The following GLIS1 variants were observed in gnomAD, a reference collection of about 807,000 sequenced individuals.
The protein encoded by GLIS1 is zinc finger protein GLIS1.
Under a neutral mutation model 63.8 loss-of-function variants are expected in GLIS1, and 24 were observed. The ratio of observed to expected loss-of-function variants is 0.38; its 90% CI spans 0.27 to 0.53. The LOEUF (loss-of-function observed/expected upper bound fraction) is 0.53, where lower values mean the gene tolerates loss of function less well. GLIS1 is among the 20% of genes least tolerant of loss of function. The pLI is 0.85. For missense variants in GLIS1, 1,036 were observed against 1,074.1 expected (o/e 0.96, Z 0.50); for synonymous variants, 450 against 482.5 (o/e 0.93, Z 0.88).
rs910160834 is a variant in GLIS1, at chr1:53,639,025, T to C, written c.260-38747A>G. Among the ~76,000 whole-genome samples the C allele has an allele frequency of 1.3e-5, 2 of 151,896 alleles. No individual in the cohort carries two copies. Among genetic ancestry groups the C allele is most frequent in the Admixed American group, 6.6e-5 (1 of 15,262 alleles). On this transcript the variant is annotated intron_variant, in intron 2 of 10. Coordinates refer to ENST00000628545, the MANE Select transcript of GLIS1 (RefSeq NM_001367484.1). This position sits in a 1 kb window ranked among gnomAD's most constrained non-coding sequence, Gnocchi z 4.6. ...GCCAAGGTCTTCCAGTTTCTCAGAG[T>C]GGTTGACAGCACCGGCCCCTGAATC...
At chr1:53,570,132 G>C (rs974416713) in intron 4 of GLIS1, among the ~76,000 whole-genome samples, 2 of 151,284 alleles carry the variant, frequency 1.3e-5, no homozygotes, top group Non-Finnish European at 2.9e-5. Flanking sequence ...TATTATTTGA[G>C]TTGAGATCTT....
chr1:53,688,188 C>T (rs927486330), intron 2 of GLIS1, among the ~76,000 whole-genome samples: 1 of 152,362 alleles, frequency 6.6e-6, no homozygotes, highest in Admixed American at 6.5e-5. Context: ...CAGACTCATT[C>T]GTTTCTGTTT....
At chr1:53,520,546 G>T in intron 7 of GLIS1, 88 bp downstream of exon 7, 1 of 1,394,724 alleles carries the variant, frequency 7.2e-7, no homozygotes, top group Non-Finnish European at 9.4e-7. Flanking sequence ...CATGTGGGCG[G>T]CCCACTGAGC....
intron 2 of GLIS1, among the ~76,000 whole-genome samples, chr1:53,608,404 G>A (rs1350064032): frequency 1.3e-5 from 2 of 152,216 alleles, no homozygotes; most frequent in Admixed American, 1.3e-4. Context: ...ATGAATTTGA[G>A]AGGGGGACAG....
chr1:53,514,547 C>T (rs539127288), intron 8 of GLIS1, 78 bp downstream of exon 8: 14 of 1,429,942 alleles, frequency 9.8e-6, no homozygotes, highest in South Asian at 2.5e-5. Context: ...ATAGATAGTG[C>T]GGGACACCTG....
chr1:53,612,998 T>C (rs1278600064), intron 2 of GLIS1, among the ~76,000 whole-genome samples: 1 of 152,092 alleles, frequency 6.6e-6, no homozygotes, highest in Non-Finnish European at 1.5e-5. Flanking sequence ...TTTGCATTTT[T>C]AGTAGACATG....
intron 10 of GLIS1, among the ~76,000 whole-genome samples, chr1:53,507,881 G>A (rs1204298038): frequency 2.0e-5 from 3 of 152,166 alleles, no homozygotes; most frequent in African/African-American, 7.2e-5. Flanking sequence ...GACAAGATGG[G>A]GAGAGCCCAC....
chr1:53,558,046 G>C (rs925546936), intron 4 of GLIS1, among the ~76,000 whole-genome samples: 1 of 152,360 alleles, frequency 6.6e-6, no homozygotes, highest in African/African-American at 2.4e-5. Context: ...TGGATGATGA[G>C]AGATGAGGTC....
chr1:53,621,891 A>T (rs1043349414), intron 2 of GLIS1, among the ~76,000 whole-genome samples: 1 of 151,992 alleles, frequency 6.6e-6, no homozygotes, highest in Non-Finnish European at 1.5e-5. Context: ...GCTCACTGCA[A>T]TCTCTGCCTC....
chr1:53,728,493 C>T (rs541811560), intron 2 of GLIS1, among the ~76,000 whole-genome samples: 11 of 152,228 alleles, frequency 7.2e-5, no homozygotes, highest in Non-Finnish European at 1.0e-4. Flanking sequence ...CCAAAAAGCT[C>T]CCTAACTTGC....
At chr1:53,632,957 G>A (rs1190693661) in intron 2 of GLIS1, among the ~76,000 whole-genome samples, 2 of 146,842 alleles carry the variant, frequency 1.4e-5, no homozygotes, top group Non-Finnish European at 3.0e-5. Context: ...GTGACTGAGG[G>A]GCGTGTATAT....
At chr1:53,684,661 G>A (rs996873257) in intron 2 of GLIS1, among the ~76,000 whole-genome samples, 2 of 152,022 alleles carry the variant, frequency 1.3e-5, no homozygotes, top group Non-Finnish European at 2.9e-5. Flanking sequence ...TCACATCCAG[G>A]CTCTTCAGCC....
At position 53,539,518 on chromosome 1, in the gene GLIS1, C is replaced by CCA. The variant is rs68190884; in HGVS notation, c.1321-9568_1321-9567dup. On this transcript the variant is annotated intron_variant, in intron 4 of 10. Coordinates refer to ENST00000628545, the MANE Select transcript of GLIS1 (RefSeq NM_001367484.1). The surrounding 1 kb of genome is among the most constrained non-coding windows in gnomAD (Gnocchi z 5.0). ...ACACCCCCAACATACACACACCACA[C>CCA]CACACACACACATACCACACGGTAT... is the stretch of plus-strand genomic sequence containing the variant. Among the ~76,000 whole-genome samples, 2 of 145,364 alleles carry CCA rather than the reference C, an allele frequency of 1.4e-5. No homozygotes were observed. The highest frequency in any genetic ancestry group is 2.2e-4 in the South Asian group (1 of 4,520).
At chr1:53,519,547 G>A (rs924738058) in intron 7 of GLIS1, among the ~76,000 whole-genome samples, 6 of 152,188 alleles carry the variant, frequency 3.9e-5, no homozygotes, top group African/African-American at 9.7e-5. Context: ...GGGGTAGAGC[G>A]CAAGGACTGT....
At chr1:53,633,314 TG>T (rs534820452) in intron 2 of GLIS1, among the ~76,000 whole-genome samples, 18 of 97,488 alleles carry the variant, frequency 1.8e-4, no homozygotes, top group East Asian at 6.4e-4. Context: ...TGAGTGTGAC[TG>T]GGGGGCGTGT....
rs150638164 is a variant in GLIS1, at chr1:53,576,622, C to A, written c.1320+17486G>T. On this transcript the variant is annotated intron_variant, in intron 4 of 10. Transcript: ENST00000628545. Reference sequence around the variant, plus strand: ...CCTTCTGGCCCTCTCAGCTGCTAGGCTGGTATAAACCCTGAGCAAAATGCA... The same window carrying A: ...CCTTCTGGCCCTCTCAGCTGCTAGGATGGTATAAACCCTGAGCAAAATGCA... Among the ~76,000 whole-genome samples, 791 of 152,294 alleles carry A rather than the reference C, an allele frequency of 5.2e-3. 3 individuals carry two copies. Among genetic ancestry groups the A allele is most frequent in the Middle Eastern group, 0.014 (4 of 294 alleles).
At chr1:53,701,939 G>C (rs1646527021) in intron 2 of GLIS1, among the ~76,000 whole-genome samples, 1 of 148,190 alleles carries the variant, frequency 6.7e-6, no homozygotes, top group East Asian at 2.0e-4. Context: ...GTTGCACTGA[G>C]CTGAGATTAT....
rs1028469900 is a variant in GLIS1, at chr1:53,506,855, C to T, written c.2231-79G>A. On this transcript the variant is annotated intron_variant, in intron 10 of 10. Coordinates refer to ENST00000628545, the MANE Select transcript of GLIS1 (RefSeq NM_001367484.1). ...GCATGCTTCCCAGTTCCAGGCCCCA[C>T]CCCGCCTGCCCAGGGTCATCCCCTC... 13 of 1,384,036 alleles carry T rather than the reference C, an allele frequency of 9.4e-6. No homozygotes were observed. The Admixed American group carries it at 2.6e-4, about 28-fold the overall frequency. 85.7% of individuals were successfully genotyped at this position (1,384,036 alleles called of 1,614,324 possible). A position where few individuals can be genotyped will look rare whatever the true frequency, so the allele number is the denominator to read the frequency against.
chr1:53,675,305 C>A (rs866622802), intron 2 of GLIS1, among the ~76,000 whole-genome samples: 1 of 152,190 alleles, frequency 6.6e-6, no homozygotes, highest in Non-Finnish European at 1.5e-5. Flanking sequence ...AAATCACTCA[C>A]CTGGGATTAT....
Sources: gnomAD v4.1 joint callset for allele counts (sites outside exome capture counted in the v4.1 genomes callset) on GRCh38, gnomAD v4.1.1 for gene constraint, Gnocchi (gnomAD v3.1) non-coding constraint, MANE v1.5 for transcripts, NCBI Gene and HGNC (gene_info 2026-07-23, HGNC 2026-07-21) for gene names.